The following ADGB variants were observed in gnomAD, a reference collection of about 807,000 sequenced individuals.
The protein encoded by ADGB is androglobin.
A neutral mutation model predicts 210.5 loss-of-function variants in ADGB; 172 were observed. That is an observed-to-expected ratio of 0.82 (90% CI 0.72 to 0.93). The LOEUF is 0.93. Ranked by LOEUF, ADGB falls within the 40% of genes least tolerant of loss-of-function variation. ADGB has a pLI of 0.00. For missense variants in ADGB, 2,025 were observed against 1,964.8 expected (o/e 1.03, Z -0.58); for synonymous variants, 658 against 662.7 (o/e 0.99, Z 0.11).
At chr6:146,744,659 T>C (rs1460938730) in intron 25 of ADGB, among the ~76,000 whole-genome samples, 1 of 152,148 alleles carries the variant, frequency 6.6e-6, no homozygotes, top group Non-Finnish European at 1.5e-5. Flanking sequence ...TTTTTTTTCA[T>C]AAATACTCAA....
chr6:146,637,531 G>A (rs1775442714), intron 2 of ADGB, among the ~76,000 whole-genome samples: 1 of 151,898 alleles, frequency 6.6e-6, no homozygotes, highest in African/African-American at 2.4e-5. Context: ...GAACATCAAG[G>A]TAAAGGGACC....
Position 146,666,597 on chromosome 6 carries a change from C to T in ADGB, c.753-219C>T, listed in dbSNP as rs112579134. On this transcript the variant is annotated intron_variant, in intron 6 of 35. Coordinates refer to ENST00000397944, the MANE Select transcript of ADGB (RefSeq NM_024694.4). ...TACTTTTAGATCTTAAAAAATAAAGCATATAAACATGCCTTGCAAATACAA... is the reference window on the plus strand; with the variant it reads ...TACTTTTAGATCTTAAAAAATAAAGTATATAAACATGCCTTGCAAATACAA... 7.4e-3 allele frequency among the ~76,000 whole-genome samples: 1,123 copies of T among 151,858 alleles called. 5 individuals carry two copies. The highest frequency in any genetic ancestry group is 0.013 in the Non-Finnish European group (884 of 67,888).
At chr6:146,646,068 T>C (rs892289565) in intron 3 of ADGB, among the ~76,000 whole-genome samples, 1 of 152,098 alleles carries the variant, frequency 6.6e-6, no homozygotes, top group African/African-American at 2.4e-5. Flanking sequence ...AGGGTGTGAA[T>C]TCCACAAGAT....
intron 5 of ADGB, among the ~76,000 whole-genome samples, chr6:146,658,729 G>A (rs541648092): frequency 5.3e-5 from 8 of 152,220 alleles, no homozygotes; most frequent in Non-Finnish European, 1.0e-4. Context: ...TCAGAAATTT[G>A]TTTAAAAATG....
chr6:146,767,232 G>A (rs1484441496), intron 28 of ADGB, among the ~76,000 whole-genome samples: 1 of 152,050 alleles, frequency 6.6e-6, no homozygotes, highest in East Asian at 1.9e-4. Flanking sequence ...ATAATGGAAA[G>A]CCACAATGAT....
At chr6:146,660,960 T>G (rs1407117188) in intron 5 of ADGB, among the ~76,000 whole-genome samples, 1 of 152,142 alleles carries the variant, frequency 6.6e-6, no homozygotes, top group Non-Finnish European at 1.5e-5. Context: ...ATTGCATTCT[T>G]AATCCCCTTT....
chr6:146,735,276 G>C (rs1777062270), intron 22 of ADGB, among the ~76,000 whole-genome samples: 1 of 152,110 alleles, frequency 6.6e-6, no homozygotes. Context: ...TATTTATAAA[G>C]AACAGAGATG....
chr6:146,781,053 C>T (rs914953840), intron 29 of ADGB, among the ~76,000 whole-genome samples: 11 of 151,484 alleles, frequency 7.3e-5, no homozygotes, highest in Non-Finnish European at 1.5e-4. Context: ...GGAGGCCGGG[C>T]GCGGTAGCTC....
chr6:146,781,145 G>T (rs1041197405), intron 29 of ADGB, among the ~76,000 whole-genome samples: 19 of 136,512 alleles, frequency 1.4e-4, no homozygotes, highest in Non-Finnish European at 2.5e-4. Flanking sequence ...GGCTAACACG[G>T]TGAAACCCCG....
At position 146,724,300 on chromosome 6, in the gene ADGB, A is replaced by G. The variant is rs560941039; in HGVS notation, c.2210A>G (p.Lys737Arg). 9.4e-5 allele frequency: 146 copies of G among 1,545,734 alleles called. No homozygotes were observed. The highest frequency in any genetic ancestry group is 1.2e-4 in the Non-Finnish European group (139 of 1,145,212). ...CTGAAGATTCACACATATGCTACCA[A>G]GGCTACAGTGGTTCGTCTGCCTGTT... Reference protein sequence around the residue: ...LVLKIHTYATKATVVRLPVGR... With the variant: ...LVLKIHTYATRATVVRLPVGR... The change falls in exon 18 of 36, where the codon AAG (lysine) becomes AGG (arginine). Residue 737 changes from lysine to arginine, a missense_variant. Lys to Arg is a conservative substitution (Grantham distance 26). Coordinates refer to ENST00000397944, the MANE Select transcript of ADGB (RefSeq NM_024694.4).
intron 27 of ADGB, among the ~76,000 whole-genome samples, chr6:146,760,315 GC>G (rs1344872115): frequency 6.6e-6 from 1 of 151,716 alleles, no homozygotes; most frequent in Non-Finnish European, 1.5e-5. Context: ...CAATAGACTA[GC>G]TTTGCCTGTT....
At chr6:146,648,711 T>C (rs936445946) in intron 3 of ADGB, among the ~76,000 whole-genome samples, 2 of 152,016 alleles carry the variant, frequency 1.3e-5, no homozygotes, top group Non-Finnish European at 1.5e-5. Context: ...TAGATTTGGG[T>C]GGGGACACAG....
At chr6:146,776,131 A>C (rs1432497174) in intron 29 of ADGB, among the ~76,000 whole-genome samples, 1 of 152,132 alleles carries the variant, frequency 6.6e-6, no homozygotes, top group Non-Finnish European at 1.5e-5. Flanking sequence ...AGCTCATTTC[A>C]TCAACAAAAT....
intron 1 of ADGB, among the ~76,000 whole-genome samples, chr6:146,628,512 G>A (rs1562259014): frequency 2.0e-5 from 3 of 151,862 alleles, no homozygotes; most frequent in Non-Finnish European, 4.4e-5. Flanking sequence ...CCTCAGCAAG[G>A]CCCTCAGTCA....
rs1421498910 is a variant in ADGB at position 146,656,876 on chromosome 6, C to T, written c.508C>T (p.Pro170Ser). 5 of 1,551,398 alleles carry T rather than the reference C, an allele frequency of 3.2e-6. No individual in the cohort carries two copies. Among genetic ancestry groups the T allele is most frequent in the Non-Finnish European group, 3.5e-6 (4 of 1,146,726 alleles). ...KGTSGEPPLL[P>S]WKPWEHIYSL... ...GACTTCAGGGGAACCTCCTCTTCTC[C>T]CCTGGAAGCCCTGGGAACACATATA... Residue 170 changes from proline to serine, a missense_variant, in exon 5 of 36, where the codon CCC becomes TCC. Pro to Ser is a moderately conservative substitution (Grantham distance 74). Coordinates refer to ENST00000397944, the MANE Select transcript of ADGB (RefSeq NM_024694.4).
At chr6:146,719,736 G>C (rs536964209) in intron 16 of ADGB, among the ~76,000 whole-genome samples, 1 of 152,020 alleles carries the variant, frequency 6.6e-6, no homozygotes, top group East Asian at 1.9e-4. Flanking sequence ...CCCTCAATTC[G>C]CAGGCCCTTG....
intron 28 of ADGB, among the ~76,000 whole-genome samples, chr6:146,766,898 A>G (rs1777584932): frequency 6.6e-6 from 1 of 152,220 alleles, no homozygotes. Flanking sequence ...TCAGAAATTC[A>G]GAAATCTTTT....
intron 10 of ADGB, among the ~76,000 whole-genome samples, chr6:146,687,699 C>T (rs1205091162): frequency 6.6e-6 from 1 of 151,924 alleles, no homozygotes; most frequent in African/African-American, 2.4e-5. Context: ...TGCAGCAAAC[C>T]ACCATGGCAC....
intron 33 of ADGB, among the ~76,000 whole-genome samples, chr6:146,797,535 A>C (rs1477262259): frequency 2.0e-5 from 3 of 152,146 alleles, no homozygotes; most frequent in African/African-American, 4.8e-5. Flanking sequence ...ACACACACAC[A>C]CGTATACATA....
Sources: gnomAD v4.1 joint callset for allele counts (sites outside exome capture counted in the v4.1 genomes callset) on GRCh38, gnomAD v4.1.1 for gene constraint, MANE v1.5 for transcripts, NCBI Gene and HGNC (gene_info 2026-07-23, HGNC 2026-07-21) for gene names.